SHOX: variants seen among roughly 807,000 people sequenced by gnomAD.
SHOX encodes the protein SHOX homeobox.
In SHOX, 12 loss-of-function variants were observed where a neutral mutation model predicts 29.6. The observed-to-expected ratio is 0.41, with a 90% CI of 0.26 to 0.66. The LOEUF is 0.66. Ranked by LOEUF, SHOX falls within the 30% of genes least tolerant of loss-of-function variation. The pLI is 0.35. For missense variants in SHOX, 499 were observed against 437.7 expected (o/e 1.14, Z -1.25); for synonymous variants, 214 against 200.6 (o/e 1.07, Z -0.57).
chrX:630,120 A>G (rs1298132847), upstream of SHOX, among the ~76,000 whole-genome samples: 10 of 151,780 alleles, frequency 6.6e-5, no homozygotes, highest in African/African-American at 2.2e-4. Flanking sequence ...GGCCCCGGGG[A>G]TCCTCGGCCT....
At chrX:657,165 C>T (rs139052272) in intron 5 of SHOX, among the ~76,000 whole-genome samples, 1 of 151,890 alleles carries the variant, frequency 6.6e-6, no homozygotes, top group African/African-American at 2.4e-5. Context: ...CAGCTTTCTG[C>T]CATCTCCACA....
At chrX:625,048 T>G (rs1211032022) in intron 1 of SHOX, among the ~76,000 whole-genome samples, 1 of 73,880 alleles carries the variant, frequency 1.4e-5, no homozygotes, top group African/African-American at 9.0e-5. Context: ...CTTTCCTCCC[T>G]CTGTTCCTTC....
Position 650,030 on chromosome X carries a change from A to G in SHOX, c.*5394A>G, listed in dbSNP as rs181109762. The G allele has an allele frequency of 2.2e-5, 10 of 455,992 alleles. No individual in the cohort carries two copies. 28.2% of individuals were successfully genotyped at this position (455,992 alleles called of 1,614,324 possible). The stretch of plus-strand genomic sequence containing the variant: ...AGTCTCTGACTGGTGCATACTTTGC[A>G]AAGGTGTGTTCCTGGCAATTGCCAA... On this transcript the variant is annotated 3_prime_UTR_variant, in exon 5 of 5. Transcript: ENST00000686671.
intron 5 of SHOX, among the ~76,000 whole-genome samples, chrX:657,754 G>A (rs1253609770): frequency 6.6e-6 from 1 of 152,084 alleles, no homozygotes; most frequent in African/African-American, 2.4e-5. Context: ...GATAAAATAC[G>A]ACGTGCACAC....
chrX:647,006 GTCA>G lies in SHOX; in HGVS notation c.*2375_*2377del, dbSNP rs1365073617. On this transcript the variant is annotated 3_prime_UTR_variant, in exon 5 of 5. Coordinates refer to ENST00000686671, the MANE Select transcript of SHOX (RefSeq NM_000451.4). ...TTGAAAAATCGAAACATAACAGTGTGTCATCATTTCCTCCCAAGAAAAAGCTCA... is the reference window on the plus strand; with the variant it reads ...TTGAAAAATCGAAACATAACAGTGTGTCATTTCCTCCCAAGAAAAAGCTCA... Among the ~76,000 whole-genome samples the G allele has an allele frequency of 1.3e-5, 2 of 151,918 alleles. No individual in the cohort carries two copies. Among genetic ancestry groups the G allele is most frequent in the East Asian group, 3.8e-4 (2 of 5,196 alleles).
chrX:641,899 A>T (rs1309642337), intron 4 of SHOX, among the ~76,000 whole-genome samples: 1 of 151,798 alleles, frequency 6.6e-6, no homozygotes, highest in Non-Finnish European at 1.5e-5. Context: ...TTTCATCACC[A>T]CCCCCGAGTG....
In SHOX at chrX:648,751, G is replaced by C. The variant is rs1223029951; in HGVS notation, c.*4115G>C. 6.6e-6 allele frequency among the ~76,000 whole-genome samples: 1 copy of C among 152,058 alleles called. No individual in the cohort carries two copies. Among genetic ancestry groups the C allele is most frequent in the African/African-American group, 2.4e-5 (1 of 41,424 alleles). ...GTTGGGTGACTTTCTGTAGGTGGATGAGTGATCCCTGAATGAGTGTGGGGT... is the reference window on the plus strand; with the variant it reads ...GTTGGGTGACTTTCTGTAGGTGGATCAGTGATCCCTGAATGAGTGTGGGGT... On this transcript the variant is annotated 3_prime_UTR_variant, in exon 5 of 5. Coordinates refer to ENST00000686671, the MANE Select transcript of SHOX (RefSeq NM_000451.4).
chrX:640,252 G>A (rs753384205), intron 2 of SHOX, among the ~76,000 whole-genome samples: 15 of 152,134 alleles, frequency 9.9e-5, no homozygotes, highest in Non-Finnish European at 2.9e-5. Context: ...AGCTGAGGCT[G>A]GAGAATTGCT....
chrX:651,371 G>A lies in SHOX; in HGVS notation c.*6735G>A, dbSNP rs1335764164. On this transcript the variant is annotated 3_prime_UTR_variant, in exon 5 of 5. Coordinates refer to ENST00000686671, the MANE Select transcript of SHOX (RefSeq NM_000451.4). Reference sequence around the variant, plus strand: ...ACATTTCTATCCCTCTGTTATTGTCGGCAGGCGGTGAGGGGTAGAAAAAAA... The same window carrying A: ...ACATTTCTATCCCTCTGTTATTGTCAGCAGGCGGTGAGGGGTAGAAAAAAA... 1 of 454,212 alleles carries A rather than the reference G, an allele frequency of 2.2e-6. No individual in the cohort carries two copies. The highest frequency in any genetic ancestry group is 2.4e-5 in the Admixed American group (1 of 42,314). The allele number at this position is 454,212 out of a possible 1,614,324, so 28.1% of individuals were successfully genotyped here.
chrX:634,112 G>C (rs964484818), intron 1 of SHOX, among the ~76,000 whole-genome samples: 6 of 152,086 alleles, frequency 3.9e-5, no homozygotes, highest in Admixed American at 2.6e-4. Context: ...AACAGGCTTC[G>C]GGTAGGGGCT....
upstream of SHOX, among the ~76,000 whole-genome samples, chrX:628,036 G>A (rs1225182600): frequency 2.3e-4 from 31 of 132,900 alleles, 2 homozygotes; most frequent in East Asian, 1.8e-3. Flanking sequence ...ACCCTTCTCC[G>A]AATCTCCCTC....
intron 4 of SHOX, 169 bp from the exon 5 acceptor site, chrX:644,222 G>T: frequency 1.8e-6 from 1 of 546,396 alleles, no homozygotes; most frequent in African/African-American, 2.0e-5. Context: ...CGCCAATTCT[G>T]GGCCAGGGGG....
chrX:631,137 G>T lies in SHOX; in HGVS notation c.240G>T (p.Glu80Asp). The T allele has an allele frequency of 6.2e-7, 1 of 1,613,438 alleles. No individual in the cohort carries two copies. Among genetic ancestry groups the T allele is most frequent in the East Asian group, 2.2e-5 (1 of 44,854 alleles). The change falls in exon 1 of 5, where the codon GAG becomes GAT. Residue 80 changes from glutamate to aspartate, a missense_variant. Transcript: ENST00000686671. ...LFKDHVDNDK[E>D]KLKEFGTARV... ...AGGACCACGTAGACAATGACAAGGA[G>T]AAACTGAAAGAATTCGGCACCGCGA...
intron 4 of SHOX, among the ~76,000 whole-genome samples, chrX:642,301 G>A (rs768758274): frequency 1.4e-5 from 2 of 140,254 alleles, no homozygotes; most frequent in African/African-American, 5.8e-5. Flanking sequence ...GAACGGGCTT[G>A]GGGGGGGGGC....
chrX:653,127 G>C (rs1402822314), downstream of SHOX, among the ~76,000 whole-genome samples: 6 of 152,128 alleles, frequency 3.9e-5, no homozygotes, highest in African/African-American at 1.4e-4. Context: ...TGTAATCCCA[G>C]CTACTCAGGA....
intron 4 of SHOX, 78 bp from the exon 5 acceptor site, chrX:644,313 G>A: frequency 7.0e-7 from 1 of 1,438,628 alleles, no homozygotes; most frequent in Non-Finnish European, 9.1e-7. Context: ...GCACGTTGGA[G>A]GTTTCCGGGG....
downstream of SHOX, among the ~76,000 whole-genome samples, chrX:654,626 G>A (rs961207219): frequency 3.9e-5 from 6 of 152,146 alleles, no homozygotes; most frequent in Non-Finnish European, 8.8e-5. Flanking sequence ...TAATTAGGCA[G>A]GCATGGTGGT....
At chrX:656,760 G>A (rs113947191) in intron 5 of SHOX, among the ~76,000 whole-genome samples, 4,861 of 136,542 alleles carry the variant, frequency 0.036, 495 homozygotes, top group Non-Finnish European at 0.045. Flanking sequence ...GGAGAATGCC[G>A]TGAGCCTGGG....
chrX:640,691 C>A, intron 2 of SHOX, 130 bp from the exon 3 acceptor site: 2 of 956,190 alleles, frequency 2.1e-6, no homozygotes, highest in Non-Finnish European at 3.4e-6. Context: ...TGTCTGGGCG[C>A]CCACCATCAG....
Sources: allele counts gnomAD v4.1 joint callset (sites outside exome capture counted in the v4.1 genomes callset), GRCh38; gene constraint gnomAD v4.1.1; transcripts MANE v1.5; gene names NCBI Gene and HGNC (gene_info 2026-07-23, HGNC 2026-07-21).